The following SPOCK3 variants were observed in gnomAD, a reference collection of about 807,000 sequenced individuals.
SPOCK3 encodes testican-3.
SPOCK3 carries 30 observed loss-of-function variants against 56.6 expected under a neutral mutation model. The observed-to-expected ratio is 0.53, with a 90% CI of 0.40 to 0.72. SPOCK3 has a LOEUF of 0.72. Among genes scored for constraint, SPOCK3 ranks in the 30% least tolerant of loss-of-function variants. The pLI is 0.00. For missense variants in SPOCK3, 527 were observed against 530.0 expected, an observed-to-expected ratio of 0.99 and a Z score of 0.06; for synonymous variants, 196 against 183.3, an observed-to-expected ratio of 1.07 and a Z score of -0.56.
At chr4:166,793,799 A>G (rs1741604272) in intron 6 of SPOCK3, among the ~76,000 whole-genome samples, 1 of 152,198 alleles carries the variant, frequency 6.6e-6, no homozygotes, top group Admixed American at 6.5e-5. Flanking sequence ...CATAAAAATT[A>G]TTTCATATTT....
At chr4:166,872,927 G>T (rs1382086353) in intron 6 of SPOCK3, among the ~76,000 whole-genome samples, 1 of 152,060 alleles carries the variant, frequency 6.6e-6, no homozygotes, top group Non-Finnish European at 1.5e-5. Flanking sequence ...GCGATCACCT[G>T]GTGAAAAAGG....
chr4:167,091,114 A>G (rs1009592765), intron 2 of SPOCK3, among the ~76,000 whole-genome samples: 2 of 152,192 alleles, frequency 1.3e-5, no homozygotes, highest in African/African-American at 4.8e-5. Context: ...AGTTTAAAGC[A>G]TTTCACACTG....
chr4:167,186,559 G>A (rs907015503), intron 2 of SPOCK3, among the ~76,000 whole-genome samples: 23 of 151,578 alleles, frequency 1.5e-4, no homozygotes. Flanking sequence ...CCCAGGAGGC[G>A]GAGGTTGCAG....
chr4:167,030,536 G>A (rs1175956964), intron 3 of SPOCK3, among the ~76,000 whole-genome samples: 1 of 152,008 alleles, frequency 6.6e-6, no homozygotes, highest in Non-Finnish European at 1.5e-5. Flanking sequence ...ATGACATTCT[G>A]TAGCAAAGGG....
At chr4:166,971,093 C>T (rs1029468286) in intron 4 of SPOCK3, among the ~76,000 whole-genome samples, 1 of 152,136 alleles carries the variant, frequency 6.6e-6, no homozygotes, top group African/African-American at 2.4e-5. Flanking sequence ...CGTTTTCTGG[C>T]ACCCAACTTC....
intron 6 of SPOCK3, among the ~76,000 whole-genome samples, chr4:166,880,970 T>G (rs1733622955): frequency 6.6e-6 from 1 of 152,174 alleles, no homozygotes. Flanking sequence ...AATAATTTGC[T>G]AAATATATTA....
chr4:166,737,356 C>G (rs778219638), intron 10 of SPOCK3, 111 bp downstream of exon 10: 60 of 1,153,944 alleles, frequency 5.2e-5, no homozygotes, highest in Non-Finnish European at 7.1e-5. Flanking sequence ...AGATATTCTA[C>G]AGTCTTTGCA....
chr4:167,223,492 G>A (rs1477133112), intron 2 of SPOCK3, among the ~76,000 whole-genome samples: 5 of 151,564 alleles, frequency 3.3e-5, no homozygotes, highest in Non-Finnish European at 7.4e-5. Flanking sequence ...AGATGAAGAA[G>A]CATTACTCTT....
At chr4:166,897,879 A>G (rs1156881506) in intron 5 of SPOCK3, among the ~76,000 whole-genome samples, 4 of 152,086 alleles carry the variant, frequency 2.6e-5, no homozygotes, top group Non-Finnish European at 5.9e-5. Flanking sequence ...GCTCAACCAT[A>G]TTCTCTGTTA....
At chr4:166,799,681 G>A (rs1742336886) in intron 6 of SPOCK3, among the ~76,000 whole-genome samples, 1 of 152,172 alleles carries the variant, frequency 6.6e-6, no homozygotes, top group Non-Finnish European at 1.5e-5. Flanking sequence ...TAATCTGCGT[G>A]TAGATGAGGA....
chr4:166,743,658 C>T (rs541914971), intron 8 of SPOCK3, among the ~76,000 whole-genome samples: 301 of 152,290 alleles, frequency 2.0e-3, no homozygotes, highest in Non-Finnish European at 3.4e-3. Flanking sequence ...GGCGGGACAT[C>T]GCCTCACCTG....
rs545659777 is a variant in SPOCK3, at chr4:166,850,724, C to T, written c.589+38406G>A. Among the ~76,000 whole-genome samples the T allele has an allele frequency of 2.2e-4, 33 of 152,320 alleles. No homozygotes were observed. The East Asian group carries it at 4.2e-3, about 20-fold the overall frequency. ...GGGTGACAGACGGCACCTGGAAAAT[C>T]GGGTCACTCCCGCCCGAATACTGCG... On this transcript the variant is annotated intron_variant, in intron 6 of 10. Transcript: ENST00000357545.
intron 7 of SPOCK3, among the ~76,000 whole-genome samples, chr4:166,773,049 G>T (rs1241577371): frequency 1.3e-5 from 2 of 152,094 alleles, no homozygotes; most frequent in African/African-American, 4.8e-5. Context: ...GCTTTGTCCT[G>T]CCAAAGTGCT....
chr4:166,882,219 T>C (rs1327633108), intron 6 of SPOCK3, among the ~76,000 whole-genome samples: 1 of 152,176 alleles, frequency 6.6e-6, no homozygotes, highest in Non-Finnish European at 1.5e-5. Context: ...TGAAAAACAG[T>C]ATCACTCCCT....
At chr4:166,863,719 C>A (rs562286316) in intron 6 of SPOCK3, among the ~76,000 whole-genome samples, 33 of 152,150 alleles carry the variant, frequency 2.2e-4, no homozygotes, top group Middle Eastern at 3.4e-3. Context: ...GGGATCAATG[C>A]AACAAGAAGA....
chr4:167,045,623 G>A (rs1215253222), intron 3 of SPOCK3, among the ~76,000 whole-genome samples: 1 of 151,916 alleles, frequency 6.6e-6, no homozygotes, highest in Non-Finnish European at 1.5e-5. Context: ...TTTGTGTCAT[G>A]TATTTATAAG....
At chr4:166,809,330 T>C (rs1290268953) in intron 6 of SPOCK3, among the ~76,000 whole-genome samples, 1 of 152,026 alleles carries the variant, frequency 6.6e-6, no homozygotes, top group Non-Finnish European at 1.5e-5. Context: ...AAACAGATTA[T>C]ATACTGTAGG....
intron 6 of SPOCK3, among the ~76,000 whole-genome samples, chr4:166,870,740 AG>A (rs1732376700): frequency 6.6e-6 from 1 of 152,130 alleles, no homozygotes; most frequent in Non-Finnish European, 1.5e-5. Flanking sequence ...ATGTTAGAAA[AG>A]AAGATAACCT....
At chr4:167,230,259 G>C (rs570404052) in intron 2 of SPOCK3, among the ~76,000 whole-genome samples, 1 of 151,686 alleles carries the variant, frequency 6.6e-6, no homozygotes, top group Non-Finnish European at 1.5e-5. Context: ...ACATGATAAA[G>C]GGTATGGTTT....
Sources: allele counts gnomAD v4.1 joint callset (sites outside exome capture counted in the v4.1 genomes callset), GRCh38; gene constraint gnomAD v4.1.1; transcripts MANE v1.5; gene names NCBI Gene and HGNC (gene_info 2026-07-23, HGNC 2026-07-21).